HMCN2: variants seen among roughly 807,000 people sequenced by gnomAD.
The protein encoded by HMCN2 is hemicentin-2.
HMCN2 carries 325 observed loss-of-function variants against 377.5 expected under a neutral mutation model. The ratio of observed to expected loss-of-function variants is 0.86; its 90% CI spans 0.79 to 0.94. The LOEUF (loss-of-function observed/expected upper bound fraction) is 0.94. Ranked by LOEUF, HMCN2 falls within the 40% of genes least tolerant of loss-of-function variation. The pLI is 0.00. For synonymous variants in HMCN2, 2,007 were observed against 2,046.8 expected (o/e 0.98, Z 0.53); for missense variants, 4,543 against 4,725.3 (o/e 0.96, Z 1.13).
chr9:130,366,779 T>A (rs932505031), intron 43 of HMCN2, among the ~76,000 whole-genome samples: 1 of 152,088 alleles, frequency 6.6e-6, no homozygotes, highest in Non-Finnish European at 1.5e-5. Context: ...ATTGAGAGAC[T>A]GTACCAGGCC....
intron 34 of HMCN2, 156 bp downstream of exon 34, chr9:130,356,413 G>A: frequency 2.0e-6 from 1 of 498,398 alleles, no homozygotes; most frequent in Non-Finnish European, 2.6e-6. Context: ...AGACGCAGGT[G>A]TGAGAGGCTG....
intron 1 of HMCN2, among the ~76,000 whole-genome samples, chr9:130,282,383 A>T (rs1360892758): frequency 6.6e-6 from 1 of 151,494 alleles, no homozygotes; most frequent in East Asian, 1.9e-4. Flanking sequence ...GGCTTGGGGC[A>T]GTGAAGTGAG....
At chr9:130,322,343 CATCT>C (rs878997501) in intron 19 of HMCN2, among the ~76,000 whole-genome samples, 1,392 of 47,428 alleles carry the variant, frequency 0.029, 20 homozygotes, top group African/African-American at 0.061. Context: ...TCTATCTATC[CATCT>C]ATCTATCTAT....
chr9:130,392,639 G>A (rs1457201375), intron 66 of HMCN2, among the ~76,000 whole-genome samples: 1 of 152,142 alleles, frequency 6.6e-6, no homozygotes. Context: ...GAGATTGGTT[G>A]GAGCAGGCAG....
At position 130,268,740 on chromosome 9, in the gene HMCN2, C is replaced by T. The variant is rs566722284; in HGVS notation, c.259+2603C>T. On this transcript the variant is annotated intron_variant, in intron 1 of 97. Coordinates refer to ENST00000683500, the MANE Select transcript of HMCN2 (RefSeq NM_001291815.2). ...CATGTGGAGCTGGCTGGGTAAGGAC[C>T]GGGGGATGGACAGGAGGGCTGATGT... is the stretch of plus-strand genomic sequence containing the variant. 4.8e-4 allele frequency among the ~76,000 whole-genome samples: 71 copies of T among 148,870 alleles called. 9 individuals are homozygous for T. The highest frequency in any genetic ancestry group is 4.7e-4 in the Admixed American group (7 of 14,978).
chr9:130,415,618 A>G (rs1427173566), intron 85 of HMCN2, among the ~76,000 whole-genome samples: 1 of 152,204 alleles, frequency 6.6e-6, no homozygotes, highest in Admixed American at 6.5e-5. Context: ...AAAACAGAAA[A>G]TCTCAGCAAA....
At chr9:130,424,504 T>A (rs947944412) in intron 87 of HMCN2, among the ~76,000 whole-genome samples, 1 of 152,130 alleles carries the variant, frequency 6.6e-6, no homozygotes, top group African/African-American at 2.4e-5. Context: ...ATATTTTTAT[T>A]TTTTGTAGAG....
intron 87 of HMCN2, among the ~76,000 whole-genome samples, chr9:130,424,203 G>C (rs2131809350): frequency 6.7e-6 from 1 of 148,548 alleles, no homozygotes; most frequent in South Asian, 2.1e-4. Flanking sequence ...TTTTGAGACG[G>C]AGTCTCGCTC....
intron 14 of HMCN2, among the ~76,000 whole-genome samples, chr9:130,309,241 T>C (rs1275440348): frequency 6.6e-6 from 1 of 151,818 alleles, no homozygotes; most frequent in Non-Finnish European, 1.5e-5. Context: ...GGGGCAGGCG[T>C]GGTGACTCAC....
chr9:130,432,534 A>G lies in HMCN2; in HGVS notation c.14873A>G (p.Tyr4958Cys), dbSNP rs777228167. The change falls in exon 97 of 98, where the codon TAC becomes TGC. Residue 4958 changes from tyrosine (Y) to cysteine (C), a missense_variant. Transcript: ENST00000683500. ...QCVDTPCPATYRQGPSPGTCF... is the reference protein window; with the variant it reads ...QCVDTPCPATCRQGPSPGTCF... ...GTGGACACACCCTGTCCTGCCACCTACCGGCAGGGCCCCAGCCCTGGGTAA... is the reference window on the plus strand; with the variant it reads ...GTGGACACACCCTGTCCTGCCACCTGCCGGCAGGGCCCCAGCCCTGGGTAA... The G allele has an allele frequency of 1.9e-6, 3 of 1,550,556 alleles. No individual in the cohort carries two copies. Among genetic ancestry groups the G allele is most frequent in the Non-Finnish European group, 2.6e-6 (3 of 1,146,982 alleles).
At chr9:130,383,232 G>A (rs574969647) in intron 56 of HMCN2, among the ~76,000 whole-genome samples, 9 of 150,426 alleles carry the variant, frequency 6.0e-5, no homozygotes, top group Non-Finnish European at 1.3e-4. Context: ...GGGACCCTGG[G>A]AGCCCAACAC....
Position 130,428,387 on chromosome 9 carries a change from C to A in HMCN2, c.14095C>A (p.Leu4699Ile). The A allele has an allele frequency of 6.5e-7, 1 of 1,548,192 alleles. No homozygotes were observed. The highest frequency in any genetic ancestry group is 8.7e-7 in the Non-Finnish European group (1 of 1,146,880). Reference sequence around the variant, plus strand: ...GGACGAGTGTGCGTGGGATGCTCACCTCTGCCGAGAGGGACAGCGCTGTGT... The same window carrying A: ...GGACGAGTGTGCGTGGGATGCTCACATCTGCCGAGAGGGACAGCGCTGTGT... ...DVDECAWDAHLCREGQRCVNL... is the reference protein window; with the variant it reads ...DVDECAWDAHICREGQRCVNL... Residue 4699 changes from leucine (L) to isoleucine (I), a missense_variant, in exon 93 of 98, where the codon CTC becomes ATC. Physicochemically the swap from Leu to Ile is conservative, Grantham distance 5 (BLOSUM62 2). Coordinates refer to ENST00000683500, the MANE Select transcript of HMCN2 (RefSeq NM_001291815.2). This position sits in a 1 kb window ranked among gnomAD's most constrained non-coding sequence, Gnocchi z 5.0.
rs529263062 is a variant in HMCN2 at position 130,414,569 on chromosome 9, G to A, written c.12961+3917G>A. On this transcript the variant is annotated intron_variant, in intron 85 of 97. Transcript: ENST00000683500. The surrounding 1 kb of genome is among the most constrained non-coding windows in gnomAD (Gnocchi z 4.4). ...AAAATCTCAATGAAAGCAGACAACA[G>A]ATGCCTACTGAGATAGTACAGATAT... is the stretch of plus-strand genomic sequence containing the variant. Among the ~76,000 whole-genome samples, 101 of 151,478 alleles carry A rather than the reference G, an allele frequency of 6.7e-4. 2 individuals carry two copies. The highest frequency in any genetic ancestry group is 4.8e-3 in the South Asian group (23 of 4,784).
intron 34 of HMCN2, among the ~76,000 whole-genome samples, chr9:130,356,708 C>T (rs11244341): frequency 0.12 from 18,931 of 152,264 alleles, 1,225 homozygotes; most frequent in Admixed American, 0.15. Flanking sequence ...CCCAGCCTCT[C>T]AATGCCTTAG....
chr9:130,420,548 A>G (rs1843948992), intron 86 of HMCN2, among the ~76,000 whole-genome samples: 1 of 152,174 alleles, frequency 6.6e-6, no homozygotes, highest in South Asian at 2.1e-4. Context: ...ATAGTTCTGG[A>G]GGCTGCAAAT....
intron 1 of HMCN2, among the ~76,000 whole-genome samples, chr9:130,279,144 C>A (rs1405043253): frequency 2.0e-5 from 3 of 151,680 alleles, no homozygotes; most frequent in Non-Finnish European, 4.4e-5. Context: ...CGTGATCCAC[C>A]CACCTCGGCC....
chr9:130,388,683 C>G (rs991560200), intron 62 of HMCN2, 143 bp downstream of exon 62: 34 of 326,034 alleles, frequency 1.0e-4, no homozygotes, highest in African/African-American at 7.1e-4. Flanking sequence ...CCCCCCCCCC[C>G]ACCATTTGTG....
rs1834370933 is a variant in HMCN2 at position 130,270,795 on chromosome 9, G to A, written c.259+4658G>A. Among the ~76,000 whole-genome samples, 2 of 148,444 alleles carry A rather than the reference G, an allele frequency of 1.3e-5. 1 individual carries two copies. Among genetic ancestry groups the A allele is most frequent in the Non-Finnish European group, 3.0e-5 (2 of 66,088 alleles). On this transcript the variant is annotated intron_variant, in intron 1 of 97. Coordinates refer to ENST00000683500, the MANE Select transcript of HMCN2 (RefSeq NM_001291815.2). ...GTCTTGCTATGTTGCCTAGGCCGAT[G>A]TCAAACTCCTGGCCTCAAGTGGTCT...
chr9:130,293,285 T>TTTTTG (rs1172699640), intron 4 of HMCN2, among the ~76,000 whole-genome samples: 1 of 139,624 alleles, frequency 7.2e-6, no homozygotes, highest in Non-Finnish European at 1.5e-5. Flanking sequence ...TAAAGTTTTT[T>TTTTTG]TTTTTTTTTT....
Sources: allele counts gnomAD v4.1 joint callset (sites outside exome capture counted in the v4.1 genomes callset), GRCh38; gene constraint gnomAD v4.1.1; non-coding constraint Gnocchi (gnomAD v3.1); transcripts MANE v1.5; gene names NCBI Gene and HGNC (gene_info 2026-07-23, HGNC 2026-07-21).